OPCML: variants seen among roughly 807,000 people sequenced by gnomAD.
OPCML encodes opioid binding protein/cell adhesion molecule like, also known as opioid-binding protein/cell adhesion molecule.
OPCML carries 13 observed loss-of-function variants against 37.8 expected under a neutral mutation model. That is an observed-to-expected ratio of 0.34 (90% CI 0.22 to 0.55). OPCML has a LOEUF of 0.55. Among genes scored for constraint, OPCML ranks in the 20% least tolerant of loss-of-function variants. The pLI is 0.91. For synonymous variants in OPCML, 176 were observed against 168.8 expected (o/e 1.04, Z -0.33); for missense variants, 341 against 435.6 (o/e 0.78, Z 1.93).
At chr11:132,955,319 CAT>C (rs1160785804) in intron 1 of OPCML, among the ~76,000 whole-genome samples, 1 of 152,104 alleles carries the variant, frequency 6.6e-6, no homozygotes, top group African/African-American at 2.4e-5. Flanking sequence ...GATTAATAAA[CAT>C]ATACAGGATG....
At chr11:133,153,177 G>C (rs1010462956) in intron 1 of OPCML, among the ~76,000 whole-genome samples, 1 of 152,174 alleles carries the variant, frequency 6.6e-6, no homozygotes, top group African/African-American at 2.4e-5. Flanking sequence ...GAAATTACTG[G>C]AGCTGTGGGA....
At chr11:132,891,388 C>T (rs969658689) in intron 2 of OPCML, among the ~76,000 whole-genome samples, 4 of 152,102 alleles carry the variant, frequency 2.6e-5, no homozygotes, top group African/African-American at 4.8e-5. Context: ...CCCAGGACTC[C>T]GTATTATTTT....
chr11:132,891,111 T>A (rs910615461), intron 2 of OPCML, among the ~76,000 whole-genome samples: 2 of 152,196 alleles, frequency 1.3e-5, no homozygotes. Flanking sequence ...AGAACTTTTT[T>A]AAAATTAGGT....
In OPCML at chr11:133,158,734, A is replaced by C; in HGVS notation, c.62-215724T>G. 1.3e-5 allele frequency among the ~76,000 whole-genome samples: 2 copies of C among 149,986 alleles called. 1 individual carries two copies. The highest frequency in any genetic ancestry group is 4.2e-4 in the South Asian group (2 of 4,790). On this transcript the variant is annotated intron_variant, in intron 1 of 7. Coordinates refer to ENST00000524381, the MANE Select transcript of OPCML (RefSeq NM_001012393.5). The stretch of plus-strand genomic sequence containing the variant: ...TAAAAAAATAAAATAAAATAAAATA[A>C]AATAAAATAAAATAAAATAAAATGA...
intron 2 of OPCML, among the ~76,000 whole-genome samples, chr11:132,769,206 GT>G (rs574890665): frequency 6.6e-6 from 1 of 150,946 alleles, no homozygotes; most frequent in African/African-American, 2.4e-5. Context: ...ATGCTGAGTA[GT>G]TTTTTTGTAT....
chr11:133,126,029 C>G (rs1949508598), intron 1 of OPCML, among the ~76,000 whole-genome samples: 1 of 148,096 alleles, frequency 6.8e-6, no homozygotes, highest in Non-Finnish European at 1.5e-5. Context: ...TATATATACA[C>G]TATATATATA....
intron 1 of OPCML, among the ~76,000 whole-genome samples, chr11:133,284,335 G>C (rs549757068): frequency 1.3e-5 from 2 of 152,340 alleles, no homozygotes; most frequent in South Asian, 2.1e-4. Flanking sequence ...TCTGTGTCAC[G>C]AGAATCACAG....
intron 1 of OPCML, among the ~76,000 whole-genome samples, chr11:133,000,976 T>C (rs1946989917): frequency 6.6e-6 from 1 of 152,162 alleles, no homozygotes; most frequent in African/African-American, 2.4e-5. Flanking sequence ...TCTCTCGCCA[T>C]GTGATACACT....
At chr11:133,053,780 C>T (rs577166387) in intron 1 of OPCML, among the ~76,000 whole-genome samples, 3 of 152,146 alleles carry the variant, frequency 2.0e-5, no homozygotes, top group Non-Finnish European at 4.4e-5. Context: ...GAGTTCGTGC[C>T]CAGGAAAACC....
rs527970324 is a variant in OPCML, at chr11:133,057,064, G to A, written c.62-114054C>T. Among the ~76,000 whole-genome samples, 4 of 152,202 alleles carry A rather than the reference G, an allele frequency of 2.6e-5. No individual in the cohort carries two copies. The South Asian group carries it at 6.2e-4, about 24-fold the overall frequency. On this transcript the variant is annotated intron_variant, in intron 1 of 7. Coordinates refer to ENST00000524381, the MANE Select transcript of OPCML (RefSeq NM_001012393.5). Reference sequence around the variant, plus strand: ...TCTCCATGTTGGTCAGGCTGGTCTCGAACTCCCGACCTCAGGTTATCCACC... The same window carrying A: ...TCTCCATGTTGGTCAGGCTGGTCTCAAACTCCCGACCTCAGGTTATCCACC...
At position 133,208,799 on chromosome 11, in the gene OPCML, G is replaced by C. The variant is rs1354949518; in HGVS notation, c.62-265789C>G. On this transcript the variant is annotated intron_variant, in intron 1 of 7. Transcript: ENST00000524381. The surrounding 1 kb of genome is among the most constrained non-coding windows in gnomAD (Gnocchi z 8.9). Reference sequence around the variant, plus strand: ...GACCAAAGGGATACACCAAGTGCTGGAGTGAAGATATAAGACTTCATTCCC... The same window carrying C: ...GACCAAAGGGATACACCAAGTGCTGCAGTGAAGATATAAGACTTCATTCCC... Among the ~76,000 whole-genome samples, 2 of 152,146 alleles carry C rather than the reference G, an allele frequency of 1.3e-5. No individual in the cohort carries two copies. The highest frequency in any genetic ancestry group is 4.8e-5 in the African/African-American group (2 of 41,426).
intron 1 of OPCML, among the ~76,000 whole-genome samples, chr11:133,274,484 G>A (rs1278589535): frequency 6.6e-6 from 1 of 152,204 alleles, no homozygotes; most frequent in Non-Finnish European, 1.5e-5. Flanking sequence ...ACCAGACATG[G>A]GAAGAGTCAA....
chr11:133,071,832 G>A (rs1948542748), intron 1 of OPCML, among the ~76,000 whole-genome samples: 1 of 152,120 alleles, frequency 6.6e-6, no homozygotes, highest in African/African-American at 2.4e-5. Flanking sequence ...AGCACTCATG[G>A]GCCTCCTGTG....
At chr11:132,742,325 G>C (rs1227682686) in intron 2 of OPCML, among the ~76,000 whole-genome samples, 1 of 152,158 alleles carries the variant, frequency 6.6e-6, no homozygotes, top group Non-Finnish European at 1.5e-5. Flanking sequence ...GAAGTGATGT[G>C]GTTTAGATAA....
rs1166625933 is a variant in OPCML at position 133,141,021 on chromosome 11, C to A, written c.62-198011G>T. On this transcript the variant is annotated intron_variant, in intron 1 of 7. Coordinates refer to ENST00000524381, the MANE Select transcript of OPCML (RefSeq NM_001012393.5). ...AAGACGACGACGACGACGACGACGACGACGACGACGACGACGACGACGACG... is the reference window on the plus strand; with the variant it reads ...AAGACGACGACGACGACGACGACGAAGACGACGACGACGACGACGACGACG... 8.0e-3 allele frequency among the ~76,000 whole-genome samples: 83 copies of A among 10,334 alleles called. 23 individuals carry two copies. The Middle Eastern group carries it at 0.1, about 12-fold the overall frequency. 6.8% of individuals were successfully genotyped at this position (10,334 alleles called of 152,430 possible).
At chr11:133,003,810 C>T (rs1947055716) in intron 1 of OPCML, 1 of 985,274 alleles carries the variant, frequency 1.0e-6, no homozygotes, top group Admixed American at 6.2e-5. Flanking sequence ...GCCCAACACA[C>T]AATTTCTCCA....
At chr11:133,451,538 A>T (rs1327919517) in intron 1 of OPCML, among the ~76,000 whole-genome samples, 1 of 151,690 alleles carries the variant, frequency 6.6e-6, no homozygotes, top group Non-Finnish European at 1.5e-5. Context: ...AAAGCCCTAA[A>T]TTCTGTATTT....
At chr11:133,511,536 G>T (rs1414007524) in intron 1 of OPCML, among the ~76,000 whole-genome samples, 1 of 152,000 alleles carries the variant, frequency 6.6e-6, no homozygotes, top group African/African-American at 2.4e-5. Context: ...ATGCCCTGAG[G>T]TCTTGCACCA....
At chr11:132,636,064 G>C (rs1332275284) in intron 3 of OPCML, among the ~76,000 whole-genome samples, 3 of 152,186 alleles carry the variant, frequency 2.0e-5, no homozygotes, top group Non-Finnish European at 4.4e-5. Flanking sequence ...ATAAATGCCT[G>C]ATTGTGTATG....
Sources: allele counts gnomAD v4.1 joint callset (sites outside exome capture counted in the v4.1 genomes callset), GRCh38; gene constraint gnomAD v4.1.1; non-coding constraint Gnocchi (gnomAD v3.1); transcripts MANE v1.5; gene names NCBI Gene and HGNC (gene_info 2026-07-23, HGNC 2026-07-21).